DIP2C: variants seen among roughly 807,000 people sequenced by gnomAD.
DIP2C encodes the protein disco-interacting protein 2 homolog C.
In DIP2C, 33 loss-of-function variants were observed where a neutral mutation model predicts 192.4. The observed-to-expected ratio is 0.17, with a 90% CI of 0.13 to 0.23. DIP2C has a LOEUF of 0.23. Ranked by LOEUF, DIP2C falls within the 10% of genes least tolerant of loss-of-function variation. The probability of loss-of-function intolerance (pLI) is 1.00; values close to 1 mark genes in which losing one functional copy is unlikely to be tolerated. For synonymous variants in DIP2C, 979 were observed against 864.1 expected (o/e 1.13, Z -2.33); for missense variants, 1,537 against 2,110.1 (o/e 0.73, Z 5.32).
intron 1 of DIP2C, among the ~76,000 whole-genome samples, chr10:617,445 G>A (rs961299835): frequency 6.6e-6 from 1 of 152,086 alleles, no homozygotes; most frequent in Non-Finnish European, 1.5e-5. Context: ...GCCATATCAC[G>A]GCATCCAGCA....
intron 32 of DIP2C, among the ~76,000 whole-genome samples, chr10:303,227 C>G (rs893131819): frequency 2.0e-5 from 3 of 152,022 alleles, no homozygotes; most frequent in Non-Finnish European, 2.9e-5. Context: ...TTTGTAAAAA[C>G]TACTCGCGAG....
At position 383,921 on chromosome 10, in the gene DIP2C, T is replaced by C. The variant is rs531502638; in HGVS notation, c.1876+106A>G. ...AAATCAAAGTGCAAAGAATGAAACCTGGGGAAAAAATAAAAAAGACTTCAC... is the reference window on the plus strand; with the variant it reads ...AAATCAAAGTGCAAAGAATGAAACCCGGGGAAAAAATAAAAAAGACTTCAC... On this transcript the variant is annotated intron_variant, in intron 16 of 36. Transcript: ENST00000280886. The C allele has an allele frequency of 2.2e-6, 3 of 1,351,404 alleles. No individual in the cohort carries two copies. The African/African-American group carries it at 4.8e-5, about 22-fold the overall frequency. The allele number at this position is 1,351,404 out of a possible 1,614,324, so 83.7% of individuals were successfully genotyped here.
chr10:441,163 A>C lies in DIP2C; in HGVS notation c.269-167T>G, dbSNP rs947945942. The stretch of plus-strand genomic sequence containing the variant: ...TGTTTACAATTCCAGTAAAGACATT[A>C]AAATTCATTCACAGACTTTTAATCA... On this transcript the variant is annotated intron_variant, in intron 3 of 36. Coordinates refer to ENST00000280886, the MANE Select transcript of DIP2C (RefSeq NM_014974.3). 7 of 732,798 alleles carry C rather than the reference A, an allele frequency of 9.6e-6. No homozygotes were observed. The South Asian group carries it at 1.4e-4, about 15-fold the overall frequency. 45.4% of individuals were successfully genotyped at this position (732,798 alleles called of 1,614,324 possible).
intron 3 of DIP2C, among the ~76,000 whole-genome samples, chr10:452,944 C>T (rs954765364): frequency 3.3e-5 from 5 of 152,062 alleles, no homozygotes; most frequent in African/African-American, 7.2e-5. Context: ...GGCCCCAGTG[C>T]GAGGAAGGGG....
chr10:503,316 A>G (rs972677486), intron 1 of DIP2C, among the ~76,000 whole-genome samples: 2 of 152,266 alleles, frequency 1.3e-5, no homozygotes, highest in African/African-American at 4.8e-5. Flanking sequence ...GGAAAGAAAC[A>G]GGACAATAAA....
intron 7 of DIP2C, among the ~76,000 whole-genome samples, 163 bp from the exon 8 acceptor site, chr10:414,273 C>T (rs1225284867): frequency 6.6e-6 from 1 of 152,178 alleles, no homozygotes; most frequent in Non-Finnish European, 1.5e-5. Flanking sequence ...ACACTAGCAT[C>T]ACGGATGCTG....
rs186984094 is a variant in DIP2C at position 286,291 on chromosome 10, C to T, written c.4101G>A (p.Gly1367=). Reference sequence around the variant, plus strand: ...AACTCACCTCTCCAAGGTGTGAGTCCCCCAGCGGTCCTTTTGTTTCTGGGT... The same window carrying T: ...AACTCACCTCTCCAAGGTGTGAGTCTCCCAGCGGTCCTTTTGTTTCTGGGT... ...IANPETKGPL[G]DSHLGEIWVH... Residue 1367 remains glycine, a synonymous_variant, in exon 34 of 37, where the codon GGG becomes GGA. Coordinates refer to ENST00000280886, the MANE Select transcript of DIP2C (RefSeq NM_014974.3). 1.9e-6 allele frequency: 3 copies of T among 1,614,040 alleles called. No individual in the cohort carries two copies. In the East Asian group the frequency reaches 6.7e-5, roughly 36 times the overall value.
At chr10:404,576 T>G (rs12249206) in intron 9 of DIP2C, among the ~76,000 whole-genome samples, 161 of 152,296 alleles carry the variant, frequency 1.1e-3, no homozygotes, top group African/African-American at 3.8e-3. Context: ...TCACGAACAG[T>G]TTTAGACAAA....
chr10:355,148 A>G (rs1192597670), intron 24 of DIP2C, among the ~76,000 whole-genome samples: 5 of 152,142 alleles, frequency 3.3e-5, no homozygotes, highest in Admixed American at 1.3e-4. Flanking sequence ...CCGTCACAGC[A>G]CCAGCGAACG....
intron 3 of DIP2C, among the ~76,000 whole-genome samples, chr10:449,245 A>AC (rs1158834827): frequency 2.0e-5 from 3 of 152,172 alleles, no homozygotes; most frequent in African/African-American, 7.2e-5. Flanking sequence ...GGCATCCTTT[A>AC]CCACTTAAGG....
chr10:337,482 T>C lies in DIP2C; in HGVS notation c.3584+3717A>G, dbSNP rs556072898. ...TTGTGGAGGCCTAAGCTGATGTGTATGTGTGTGCTGTGGAGGCCTAGACAG... is the reference window on the plus strand; with the variant it reads ...TTGTGGAGGCCTAAGCTGATGTGTACGTGTGTGCTGTGGAGGCCTAGACAG... On this transcript the variant is annotated intron_variant, in intron 29 of 36. Transcript: ENST00000280886. 9.5e-4 allele frequency among the ~76,000 whole-genome samples: 132 copies of C among 138,540 alleles called. 1 individual carries two copies. Among genetic ancestry groups the C allele is most frequent in the African/African-American group, 3.4e-3 (124 of 36,398 alleles). 90.9% of individuals were successfully genotyped at this position (138,540 alleles called of 152,430 possible). A position where few individuals can be genotyped will look rare whatever the true frequency, so the allele number is the denominator to read the frequency against.
At chr10:448,871 C>T (rs1455469348) in intron 3 of DIP2C, among the ~76,000 whole-genome samples, 1 of 88,542 alleles carries the variant, frequency 1.1e-5, no homozygotes, top group Admixed American at 1.0e-4. Context: ...TGCTCACTCC[C>T]GTCGATACTC....
chr10:354,427 G>C (rs1011864003), intron 24 of DIP2C, among the ~76,000 whole-genome samples: 3 of 152,190 alleles, frequency 2.0e-5, no homozygotes, highest in African/African-American at 7.2e-5. Flanking sequence ...CAATCTGAGG[G>C]ATCTTCCCCA....
intron 1 of DIP2C, among the ~76,000 whole-genome samples, chr10:606,790 G>C (rs1485342954): frequency 6.6e-6 from 1 of 152,124 alleles, no homozygotes; most frequent in Non-Finnish European, 1.5e-5. Flanking sequence ...GACCCAACCC[G>C]AGACCAGGGA....
chr10:277,059 AAAG>A lies in DIP2C; in HGVS notation c.*263_*265del. 1 of 255,364 alleles carries A rather than the reference AAAG, an allele frequency of 3.9e-6. No individual in the cohort carries two copies. The highest frequency in any genetic ancestry group is 6.2e-6 in the Non-Finnish European group (1 of 160,260). 15.8% of individuals were successfully genotyped at this position (255,364 alleles called of 1,614,324 possible). On this transcript the variant is annotated 3_prime_UTR_variant, in exon 37 of 37. Transcript: ENST00000280886. ...CAATAATTAAAAAAGAAAGAAAAGA[AAAG>A]AAAGTTTTGAAATGGGCTTTTCCAA... is the stretch of plus-strand genomic sequence containing the variant.
At chr10:488,721 T>TA (rs768475280) in intron 1 of DIP2C, among the ~76,000 whole-genome samples, 19 of 152,332 alleles carry the variant, frequency 1.2e-4, no homozygotes, top group Non-Finnish European at 2.2e-4. Context: ...CGCCTCTGGG[T>TA]ACCCACGGCA....
chr10:280,115 G>A (rs575190266), intron 36 of DIP2C, among the ~76,000 whole-genome samples: 2 of 152,216 alleles, frequency 1.3e-5, no homozygotes, highest in Non-Finnish European at 2.9e-5. Context: ...GACAATCTGA[G>A]GACTTTTGAG....
At position 545,166 on chromosome 10, in the gene DIP2C, C is replaced by CCTTTT. The variant is rs1554896881; in HGVS notation, c.86-58637_86-58636insAAAAG. Among the ~76,000 whole-genome samples the CCTTTT allele has an allele frequency of 7.1e-4, 61 of 86,334 alleles. 3 individuals carry two copies. The highest frequency in any genetic ancestry group is 2.4e-3 in the East Asian group (8 of 3,334). 56.6% of individuals were successfully genotyped at this position (86,334 alleles called of 152,430 possible). On this transcript the variant is annotated intron_variant, in intron 1 of 36. Transcript: ENST00000280886. ...TGATCCAACATGACTGGTGTTTTCC[C>CCTTTT]TTTTTTTTTTTTTTTTTTTTTTTGA... is the stretch of plus-strand genomic sequence containing the variant.
intron 31 of DIP2C, among the ~76,000 whole-genome samples, chr10:321,479 CCTCT>C (rs1199120910): frequency 6.6e-6 from 1 of 152,162 alleles, no homozygotes; most frequent in East Asian, 1.9e-4. Context: ...AAAACTCTTC[CCTCT>C]CTCCATCAGG....
Sources: gnomAD v4.1 joint callset for allele counts (sites outside exome capture counted in the v4.1 genomes callset) on GRCh38, gnomAD v4.1.1 for gene constraint, MANE v1.5 for transcripts, NCBI Gene and HGNC (gene_info 2026-07-23, HGNC 2026-07-21) for gene names.